NOL10: variants seen among roughly 807,000 people sequenced by gnomAD.
The protein encoded by NOL10 is H_NH0074G24.1.
In NOL10, 58 loss-of-function variants were observed where a neutral mutation model predicts 103.5. The observed-to-expected ratio is 0.56, with a 90% CI of 0.45 to 0.70. The LOEUF (loss-of-function observed/expected upper bound fraction) is 0.70. NOL10 is among the 30% of genes least tolerant of loss of function. The probability of loss-of-function intolerance (pLI) is 0.00; values close to 1 mark genes in which losing one functional copy is unlikely to be tolerated. For missense variants in NOL10, 763 were observed against 807.3 expected, an observed-to-expected ratio of 0.95 and a Z score of 0.67; for synonymous variants, 287 against 282.5, an observed-to-expected ratio of 1.02 and a Z score of -0.16.
At chr2:10,676,984 G>A (rs1681352792) in intron 3 of NOL10, among the ~76,000 whole-genome samples, 1 of 150,300 alleles carries the variant, frequency 6.7e-6, no homozygotes, top group South Asian at 2.1e-4. Flanking sequence ...TGTCGCCCAG[G>A]CTGGAGTGCA....
chr2:10,604,355 G>A (rs1040125558), intron 14 of NOL10, among the ~76,000 whole-genome samples: 2 of 152,044 alleles, frequency 1.3e-5, no homozygotes, highest in Admixed American at 6.5e-5. Flanking sequence ...CAAGTACTGA[G>A]CAAAATCATA....
At chr2:10,607,159 A>G (rs760613822) in intron 14 of NOL10, 26 bp downstream of exon 14, 8 of 1,470,750 alleles carry the variant, frequency 5.4e-6, no homozygotes, top group Non-Finnish European at 7.4e-6. Context: ...TAATTACATA[A>G]TATTTCATCA....
intron 14 of NOL10, among the ~76,000 whole-genome samples, chr2:10,604,399 T>C (rs977103338): frequency 8.5e-5 from 13 of 152,182 alleles, no homozygotes; most frequent in African/African-American, 3.1e-4. Flanking sequence ...TATAGAACAA[T>C]ATAAAAAAGA....
At chr2:10,670,524 CAGG>C (rs980647958) in intron 6 of NOL10, among the ~76,000 whole-genome samples, 13 of 152,252 alleles carry the variant, frequency 8.5e-5, no homozygotes, top group African/African-American at 3.1e-4. Context: ...CACCTGAGGT[CAGG>C]AGTTCGAGAC....
chr2:10,680,362 G>A (rs796690167), intron 3 of NOL10, among the ~76,000 whole-genome samples: 2 of 109,106 alleles, frequency 1.8e-5, no homozygotes, highest in African/African-American at 3.7e-5. Context: ...AAGAGGGAGA[G>A]GGAGAAGAGG....
intron 9 of NOL10, among the ~76,000 whole-genome samples, chr2:10,661,081 ATTTG>A (rs1165819518): frequency 6.6e-6 from 1 of 151,896 alleles, no homozygotes; most frequent in African/African-American, 2.4e-5. Flanking sequence ...CACTTTATTT[ATTTG>A]TTTGTTTGTG....
intron 19 of NOL10, among the ~76,000 whole-genome samples, chr2:10,587,273 A>ATTTTT (rs1194971012): frequency 5.0e-5 from 1 of 20,188 alleles, no homozygotes; most frequent in African/African-American, 2.2e-4. Flanking sequence ...ATATATATAT[A>ATTTTT]TATTTTTTTT....
chr2:10,625,399 T>G (rs1224655682), intron 13 of NOL10, among the ~76,000 whole-genome samples: 1 of 152,134 alleles, frequency 6.6e-6, no homozygotes, highest in Non-Finnish European at 1.5e-5. Context: ...CACTCAATTT[T>G]GCCGTGAGCC....
chr2:10,685,984 C>A (rs1682174216), intron 1 of NOL10, among the ~76,000 whole-genome samples: 1 of 121,398 alleles, frequency 8.2e-6, no homozygotes, highest in Admixed American at 8.2e-5. Context: ...ATCATTGAGC[C>A]CAGAGAAGTC....
chr2:10,609,354 G>A (rs772249062), intron 13 of NOL10, among the ~76,000 whole-genome samples: 12 of 150,510 alleles, frequency 8.0e-5, no homozygotes, highest in African/African-American at 1.2e-4. Flanking sequence ...TTGGGAGGCC[G>A]AGGCGGGAGG....
chr2:10,637,933 C>T (rs1678377779), intron 13 of NOL10, among the ~76,000 whole-genome samples: 1 of 135,600 alleles, frequency 7.4e-6, no homozygotes, highest in Admixed American at 7.0e-5. Flanking sequence ...TTATTTTAAA[C>T]AGTCAAAATA....
intron 17 of NOL10, among the ~76,000 whole-genome samples, chr2:10,592,346 C>A (rs1203855520): frequency 6.6e-6 from 1 of 152,072 alleles, no homozygotes. Context: ...CACTGGAGAG[C>A]ATTAGGAAAA....
At chr2:10,678,467 T>C (rs1048373018) in intron 3 of NOL10, among the ~76,000 whole-genome samples, 7 of 151,138 alleles carry the variant, frequency 4.6e-5, no homozygotes, top group African/African-American at 1.7e-4. Flanking sequence ...CTATTTCTTA[T>C]CTTTCATCCC....
chr2:10,651,903 G>C (rs1301458696), intron 12 of NOL10, among the ~76,000 whole-genome samples: 2 of 152,134 alleles, frequency 1.3e-5, no homozygotes, highest in Admixed American at 1.3e-4. Context: ...AAATTATAAA[G>C]TCCAGGGTTT....
Position 10,595,488 on chromosome 2 carries a change from G to C in NOL10, c.1422+5365C>G, listed in dbSNP as rs113441812. Among the ~76,000 whole-genome samples, 316 of 152,068 alleles carry C rather than the reference G, an allele frequency of 2.1e-3. 1 individual carries two copies. The highest frequency in any genetic ancestry group is 7.2e-3 in the African/African-American group (300 of 41,494). ...CCCAGCTAATGTTTTGTAGAGATGC[G>C]GTTTCACCATGTTGCCCAGGCTGGT... On this transcript the variant is annotated intron_variant, in intron 17 of 20. Transcript: ENST00000381685.
intron 19 of NOL10, among the ~76,000 whole-genome samples, chr2:10,579,581 C>T (rs1237708201): frequency 2.0e-5 from 2 of 101,726 alleles, no homozygotes; most frequent in African/African-American, 3.6e-5. Flanking sequence ...TTTTTCCGAA[C>T]AATTCAAAAG....
At position 10,577,582 on chromosome 2, in the gene NOL10, T is replaced by C. The variant is rs1572221419; in HGVS notation, c.1947+54A>G. Reference sequence around the variant, plus strand: ...CTGAGGACACACACACAAACACTATTGAAAGGCTATTTTTCTTTTGTGAAT... The same window carrying C: ...CTGAGGACACACACACAAACACTATCGAAAGGCTATTTTTCTTTTGTGAAT... On this transcript the variant is annotated intron_variant, in intron 20 of 20. Transcript: ENST00000381685. 3 of 1,290,034 alleles carry C rather than the reference T, an allele frequency of 2.3e-6. No homozygotes were observed. In the East Asian group the frequency reaches 7.3e-5, roughly 31 times the overall value. 79.9% of individuals were successfully genotyped at this position (1,290,034 alleles called of 1,614,324 possible).
chr2:10,615,768 C>G (rs944910203), intron 13 of NOL10, among the ~76,000 whole-genome samples: 3 of 151,932 alleles, frequency 2.0e-5, no homozygotes, highest in Non-Finnish European at 2.9e-5. Context: ...GCATGGGGGA[C>G]GACAGGATGA....
At chr2:10,587,895 G>C (rs1291571301) in intron 19 of NOL10, among the ~76,000 whole-genome samples, 3 of 152,216 alleles carry the variant, frequency 2.0e-5, no homozygotes, top group Admixed American at 2.0e-4. Context: ...CTGGGAGCTG[G>C]AGAAGTACAA....
Sources: allele counts gnomAD v4.1 joint callset (sites outside exome capture counted in the v4.1 genomes callset), GRCh38; gene constraint gnomAD v4.1.1; transcripts MANE v1.5; gene names NCBI Gene and HGNC (gene_info 2026-07-23, HGNC 2026-07-21).